The following CCDC77 variants were observed in gnomAD, a reference collection of about 807,000 sequenced individuals.
The protein encoded by CCDC77 is coiled-coil domain-containing protein 77.
A neutral mutation model predicts 66.8 loss-of-function variants in CCDC77; 56 were observed. The ratio of observed to expected loss-of-function variants is 0.84; its 90% CI spans 0.68 to 1.05. The LOEUF (loss-of-function observed/expected upper bound fraction) is 1.05, where lower values mean the gene tolerates loss of function less well. Among genes scored for constraint, CCDC77 ranks in the 50% least tolerant of loss-of-function variants. The pLI is 0.00. For missense variants in CCDC77, 570 were observed against 576.8 expected, an observed-to-expected ratio of 0.99 and a Z score of 0.12; for synonymous variants, 196 against 195.2, an observed-to-expected ratio of 1.00 and a Z score of -0.03.
At chr12:409,839 A>AC (rs1164164512) in intron 3 of CCDC77, 1 of 155,916 alleles carries the variant, frequency 6.4e-6, no homozygotes, top group Non-Finnish European at 1.4e-5. Context: ...ACTAAAAAAA[A>AC]AAAAAAAAAT....
chr12:423,775 G>A (rs915666223), intron 5 of CCDC77, among the ~76,000 whole-genome samples: 1 of 152,010 alleles, frequency 6.6e-6, no homozygotes, highest in Non-Finnish European at 1.5e-5. Flanking sequence ...AGGATTACAG[G>A]CGTGAGCCAC....
At chr12:432,292 G>A (rs1226024756) in intron 8 of CCDC77, among the ~76,000 whole-genome samples, 1 of 152,058 alleles carries the variant, frequency 6.6e-6, no homozygotes, top group African/African-American at 2.4e-5. Context: ...AACATTTGAT[G>A]GTATATTCAT....
intron 3 of CCDC77, among the ~76,000 whole-genome samples, chr12:410,037 C>T (rs541042951): frequency 6.6e-6 from 1 of 151,176 alleles, no homozygotes; most frequent in East Asian, 2.0e-4. Context: ...ACTAGTATTT[C>T]TCTCACAAGT....
At chr12:395,255 A>G (rs2137521607) in intron 1 of CCDC77, 1 of 151,934 alleles carries the variant, frequency 6.6e-6, no homozygotes, top group Non-Finnish European at 1.5e-5. Context: ...ATTTTGTTTT[A>G]TTTTTCTATT....
intron 5 of CCDC77, among the ~76,000 whole-genome samples, chr12:424,239 G>A (rs1213596718): frequency 6.6e-6 from 1 of 152,148 alleles, no homozygotes; most frequent in African/African-American, 2.4e-5. Context: ...AAAGTGCTGG[G>A]ATTATAGATG....
rs1288744789 is a variant in CCDC77, at chr12:401,695, A to G, written c.-71+11A>G. 1 of 152,172 alleles carries G rather than the reference A, an allele frequency of 6.6e-6. No homozygotes were observed. Among genetic ancestry groups the G allele is most frequent in the Non-Finnish European group, 1.5e-5 (1 of 68,078 alleles). 9.4% of individuals were successfully genotyped at this position (152,172 alleles called of 1,614,324 possible). On this transcript the variant is annotated intron_variant, in intron 1 of 12. Transcript: ENST00000239830. ...GAGTCTTAGTGTGTCGTGAGTATAG[A>G]GTTTCGGGTTTGGGGTGAAGGGGTT...
At chr12:423,114 C>CTTTTTTTTTTTTTTTT (rs139334337) in intron 5 of CCDC77, among the ~76,000 whole-genome samples, 1 of 74,542 alleles carries the variant, frequency 1.3e-5, no homozygotes, top group Non-Finnish European at 2.3e-5. Context: ...TCTTTTAAGC[C>CTTTTTTTTTTTTTTTT]TTTTTTTTTT....
intron 8 of CCDC77, among the ~76,000 whole-genome samples, chr12:432,213 A>G (rs1380845583): frequency 6.6e-6 from 1 of 152,234 alleles, no homozygotes; most frequent in Non-Finnish European, 1.5e-5. Flanking sequence ...AAACCATTAC[A>G]AGGTAAGAAT....
chr12:417,935 G>A (rs1042334988), intron 4 of CCDC77, among the ~76,000 whole-genome samples: 8 of 151,836 alleles, frequency 5.3e-5, no homozygotes, highest in African/African-American at 1.9e-4. Context: ...TAGGTGAGTC[G>A]TACAGCATTC....
upstream of CCDC77, among the ~76,000 whole-genome samples, chr12:398,873 C>T (rs1409496209): frequency 6.6e-6 from 1 of 151,922 alleles, no homozygotes; most frequent in Non-Finnish European, 1.5e-5. Context: ...AATCCTCCCA[C>T]CTCAGCCTCC....
upstream of CCDC77, among the ~76,000 whole-genome samples, chr12:397,757 C>T (rs1413147250): frequency 6.6e-6 from 1 of 151,954 alleles, no homozygotes; most frequent in African/African-American, 2.4e-5. Context: ...AGTGATTCTC[C>T]TGCCTCAGCC....
intron 5 of CCDC77, 71 bp from the exon 6 acceptor site, chr12:428,698 C>A: frequency 1.0e-6 from 1 of 981,906 alleles, no homozygotes; most frequent in South Asian, 1.6e-5. Flanking sequence ...GAAGGGAGAT[C>A]CTTTAAACAG....
rs1222816502 is a variant in CCDC77, at chr12:416,348, T to G, written c.271-2146T>G. On this transcript the variant is annotated intron_variant, in intron 4 of 12. Coordinates refer to ENST00000239830, the MANE Select transcript of CCDC77 (RefSeq NM_032358.4). ...GTGAGTCTGTGGGTGTGTGGGGGTG[T>G]GTGTGTGTGTGTGTGTGTGTGTGTG... Among the ~76,000 whole-genome samples the G allele has an allele frequency of 1.7e-4, 5 of 29,076 alleles. 2 individuals carry two copies. The Admixed American group carries it at 2.8e-3, about 16-fold the overall frequency. 19.1% of individuals were successfully genotyped at this position (29,076 alleles called of 152,430 possible).
intron 1 of CCDC77, among the ~76,000 whole-genome samples, chr12:393,371 C>T (rs960103117): frequency 4.6e-5 from 7 of 152,170 alleles, no homozygotes; most frequent in African/African-American, 1.2e-4. Context: ...CCTCGGCCCC[C>T]CAAAGTGCTG....
upstream of CCDC77, among the ~76,000 whole-genome samples, chr12:397,133 G>A (rs921707416): frequency 1.3e-5 from 2 of 152,206 alleles, no homozygotes; most frequent in African/African-American, 4.8e-5. Context: ...CACCACTTTG[G>A]GAGGCTGAGG....
chr12:411,889 T>C lies in CCDC77; in HGVS notation c.181T>C (p.Tyr61His), dbSNP rs1189113850. Residue 61 changes from tyrosine (Y) to histidine (H), a missense_variant, in exon 4 of 13, where the codon TAT (tyrosine) becomes CAT (histidine). Tyr to His is a moderately conservative substitution (Grantham distance 83). Coordinates refer to ENST00000239830, the MANE Select transcript of CCDC77 (RefSeq NM_032358.4). Reference protein sequence around the residue: ...KLHPSKELLEYYQKKMAECEA... With the variant: ...KLHPSKELLEHYQKKMAECEA... ...CCATCCTTCTAAGGAGCTCCTGGAA[T>C]ATTATCAAAAGAAGATGGCTGAGTG... is the stretch of plus-strand genomic sequence containing the variant. 6.2e-7 allele frequency: 1 copy of C among 1,613,916 alleles called. No individual in the cohort carries two copies.
chr12:436,772 T>G, intron 9 of CCDC77: 1 of 984,650 alleles, frequency 1.0e-6, no homozygotes, highest in Non-Finnish European at 1.2e-6. Flanking sequence ...GTTCCTTCCA[T>G]TAGATGGATC....
chr12:438,591 T>A (rs1296036335), intron 10 of CCDC77, 37 bp downstream of exon 10: 2 of 1,496,118 alleles, frequency 1.3e-6, no homozygotes, highest in East Asian at 4.5e-5. Flanking sequence ...TGTTTATTTT[T>A]CTGGGAGAGT....
intron 1 of CCDC77, among the ~76,000 whole-genome samples, chr12:396,323 C>T (rs552453327): frequency 1.7e-4 from 26 of 152,118 alleles, no homozygotes; most frequent in Admixed American, 1.6e-3. Flanking sequence ...ACCTGGGAGG[C>T]GGAGGTGGCA....
Sources: gnomAD v4.1 joint callset for allele counts (sites outside exome capture counted in the v4.1 genomes callset) on GRCh38, gnomAD v4.1.1 for gene constraint, MANE v1.5 for transcripts, NCBI Gene and HGNC (gene_info 2026-07-23, HGNC 2026-07-21) for gene names.